Variants in C11orf24 observed in about 807,000 individuals in gnomAD.
C11orf24 encodes the protein uncharacterized protein C11orf24.
C11orf24 carries 5 observed loss-of-function variants against 7.3 expected under a neutral mutation model. The observed-to-expected ratio is 0.69, with a 90% CI of 0.36 to 1.45. The LOEUF is 1.45. Among genes scored for constraint, C11orf24 ranks in the 40% most tolerant of loss-of-function variants. The probability of loss-of-function intolerance (pLI) is 0.03; values close to 1 mark genes in which losing one functional copy is unlikely to be tolerated. For missense variants in C11orf24, 566 were observed against 590.5 expected (o/e 0.96, Z 0.43); for synonymous variants, 233 against 235.7 (o/e 0.99, Z 0.11).
rs1213954295 is a variant in C11orf24 at position 68,262,914 on chromosome 11, G to A, written c.81C>T (p.Asn27=). 1.2e-6 allele frequency: 2 copies of A among 1,612,472 alleles called. No individual in the cohort carries two copies. The highest frequency in any genetic ancestry group is 3.3e-5 in the Admixed American group (2 of 59,936). The change falls in exon 4 of 4, where the codon AAC becomes AAT. Residue 27 remains asparagine (N), a synonymous_variant. Coordinates refer to ENST00000304271, the MANE Select transcript of C11orf24 (RefSeq NM_022338.4). ...CCTTCCACATTTTGTTAGGGACAAA[G>A]TTGCCTTAAAGTCAGAAAAAGGAGA... is the stretch of plus-strand genomic sequence containing the variant. ...ESHAASNDPR[N]FVPNKMWKGL... is the part of the protein sequence containing the mutation.
rs199751345 is a variant in C11orf24 at position 68,262,572 on chromosome 11, A to G, written c.423T>C (p.Thr141=). ...CAGTCGTGGGAGCAATGGAGGCCAC[A>G]GTTGTACTGGAGGCTGCAGTCGTGG... ...SAPTTAASST[T]VASIAPTTAA... is the part of the protein sequence containing the mutation. Residue 141 remains threonine (T), a synonymous_variant, in exon 4 of 4, where the codon ACT becomes ACC. Transcript: ENST00000304271. The G allele has an allele frequency of 1.4e-4, 219 of 1,608,500 alleles. No individual in the cohort carries two copies. In the East Asian group the frequency reaches 3.7e-3, roughly 27 times the overall value.
At chr11:68,265,500 A>C (rs1181742364) in intron 2 of C11orf24, among the ~76,000 whole-genome samples, 1 of 152,152 alleles carries the variant, frequency 6.6e-6, no homozygotes, top group Non-Finnish European at 1.5e-5. Flanking sequence ...TGGACGCCTT[A>C]ACACATTTTT....
chr11:68,268,704 A>T (rs1051173915), intron 1 of C11orf24, among the ~76,000 whole-genome samples: 8 of 152,204 alleles, frequency 5.3e-5, no homozygotes, highest in African/African-American at 1.9e-4. Flanking sequence ...AAAAAACAAA[A>T]CAAAAAACAA....
intron 2 of C11orf24, among the ~76,000 whole-genome samples, chr11:68,266,136 C>G (rs1012097824): frequency 6.6e-6 from 1 of 152,226 alleles, no homozygotes; most frequent in African/African-American, 2.4e-5. Context: ...CGTTCCAACT[C>G]CAGCTCCCAT....
Position 68,261,806 on chromosome 11 carries a change from C to A in C11orf24, c.1189G>T (p.Val397Leu). ...ACCACCAGAAGGAGAGTTTTGTCTACCACGGCCTGGGTGAGGGGCTCAGTG... is the reference window on the plus strand; with the variant it reads ...ACCACCAGAAGGAGAGTTTTGTCTAACACGGCCTGGGTGAGGGGCTCAGTG... ...VTTEPLTQAVVDKTLLLVVLL... is the reference protein window; with the variant it reads ...VTTEPLTQAVLDKTLLLVVLL... Residue 397 changes from valine (V) to leucine (L), a missense_variant, in exon 4 of 4, where the codon GTA (valine) becomes TTA (leucine). Physicochemically the swap from Val to Leu is conservative, Grantham distance 32. Transcript: ENST00000304271. 2 of 1,614,224 alleles carry A rather than the reference C, an allele frequency of 1.2e-6. No homozygotes were observed. Among genetic ancestry groups the A allele is most frequent in the Non-Finnish European group, 1.7e-6 (2 of 1,180,048 alleles).
At chr11:68,270,057 C>T (rs2098567115) in intron 1 of C11orf24, among the ~76,000 whole-genome samples, 1 of 152,000 alleles carries the variant, frequency 6.6e-6, no homozygotes, top group Non-Finnish European at 1.5e-5. Context: ...ACCAGTTATT[C>T]TCATTATTAT....
At chr11:68,269,157 T>C (rs907060151) in intron 1 of C11orf24, among the ~76,000 whole-genome samples, 1 of 152,074 alleles carries the variant, frequency 6.6e-6, no homozygotes, top group Non-Finnish European at 1.5e-5. Flanking sequence ...AAAACATTTC[T>C]GAAAGGCTCC....
chr11:68,262,576 G>A lies in C11orf24; in HGVS notation c.419C>T (p.Thr140Ile), dbSNP rs1304024085. The A allele has an allele frequency of 1.2e-6, 2 of 1,608,652 alleles. No individual in the cohort carries two copies. The highest frequency in any genetic ancestry group is 3.3e-5 in the Admixed American group (2 of 59,814). Residue 140 changes from threonine to isoleucine, a missense_variant, in exon 4 of 4, where the codon ACA becomes ATA. Physicochemically the swap from Thr to Ile is moderately conservative, Grantham distance 89 (BLOSUM62 -1). Transcript: ENST00000304271. ...CGTGGGAGCAATGGAGGCCACAGTT[G>A]TACTGGAGGCTGCAGTCGTGGGAGC... is the stretch of plus-strand genomic sequence containing the variant. ...SSAPTTAASS[T>I]TVASIAPTTA...
At chr11:68,263,160 G>A (rs1225498354) in intron 3 of C11orf24, 2 of 558,894 alleles carry the variant, frequency 3.6e-6, no homozygotes, top group Non-Finnish European at 6.4e-6. Context: ...TGAACCCCCT[G>A]CCCATTGAAG....
Position 68,261,776 on chromosome 11 carries a change from A to C in C11orf24, c.1219T>G (p.Leu407Val). The change falls in exon 4 of 4, where the codon TTA becomes GTA. Residue 407 changes from leucine to valine, a missense_variant. Physicochemically the swap from Leu to Val is conservative, Grantham distance 32. Coordinates refer to ENST00000304271, the MANE Select transcript of C11orf24 (RefSeq NM_022338.4). The stretch of plus-strand genomic sequence containing the variant: ...GTGATGAAAAGGGTCACCCCGAGTA[A>C]CAGCACCACCAGAAGGAGAGTTTTG... ...VDKTLLLVVL[L>V]LGVTLFITVL... The C allele has an allele frequency of 6.2e-7, 1 of 1,614,224 alleles. No homozygotes were observed. Among genetic ancestry groups the C allele is most frequent in the African/African-American group, 1.3e-5 (1 of 75,058 alleles).
chr11:68,271,538 TG>T (rs930830319), intron 1 of C11orf24: 1 of 152,380 alleles, frequency 6.6e-6, no homozygotes. Flanking sequence ...GCTCCCACAA[TG>T]GGACAAGCCG....
intron 3 of C11orf24, chr11:68,263,279 C>G (rs1012296871): frequency 2.0e-5 from 8 of 408,590 alleles, no homozygotes; most frequent in Admixed American, 8.3e-5. Flanking sequence ...CCCAGGTTTA[C>G]AAAGCAGATA....
At chr11:68,270,104 C>T (rs2098567154) in intron 1 of C11orf24, among the ~76,000 whole-genome samples, 1 of 151,968 alleles carries the variant, frequency 6.6e-6, no homozygotes, top group African/African-American at 2.4e-5. Flanking sequence ...GGGTCTCAGA[C>T]CATAATAGAT....
At chr11:68,270,139 G>A (rs948219238) in intron 1 of C11orf24, among the ~76,000 whole-genome samples, 2 of 152,198 alleles carry the variant, frequency 1.3e-5, no homozygotes, top group Non-Finnish European at 2.9e-5. Flanking sequence ...CCCAGGGGCA[G>A]GAGGGGAATG....
rs1447380762 is a variant in C11orf24, at chr11:68,262,171, G to A, written c.824C>T (p.Pro275Leu). ...CTCTGGGGTTGTGTTTGAGGGCATG[G>A]GTGTGGATTTATTTGTTGTGTTAAC... is the stretch of plus-strand genomic sequence containing the variant. ...PVVNTTNKSTPMPSNTTPEPA... is the reference protein window; with the variant it reads ...PVVNTTNKSTLMPSNTTPEPA... The change falls in exon 4 of 4, where the codon CCC becomes CTC. Residue 275 changes from proline (P) to leucine (L), a missense_variant. Pro to Leu is a moderately conservative substitution (Grantham distance 98, BLOSUM62 -3). Coordinates refer to ENST00000304271, the MANE Select transcript of C11orf24 (RefSeq NM_022338.4). 1 of 1,613,868 alleles carries A rather than the reference G, an allele frequency of 6.2e-7. No homozygotes were observed. The highest frequency in any genetic ancestry group is 8.5e-7 in the Non-Finnish European group (1 of 1,179,924).
intron 2 of C11orf24, among the ~76,000 whole-genome samples, chr11:68,264,588 A>G (rs1256003245): frequency 7.8e-6 from 1 of 127,992 alleles, no homozygotes; most frequent in Non-Finnish European, 1.7e-5. Context: ...TCACCTGTCC[A>G]TCCATAAGTC....
chr11:68,262,363 G>C lies in C11orf24; in HGVS notation c.632C>G (p.Ala211Gly), dbSNP rs567702264. The change falls in exon 4 of 4, where the codon GCC (alanine) becomes GGC (glycine). Residue 211 changes from alanine to glycine, a missense_variant. Transcript: ENST00000304271. ...LPRTATLATL[A>G]TRAQTVATTA... is the part of the protein sequence containing the mutation. Reference sequence around the variant, plus strand: ...GGTCGCTACAGTCTGAGCACGTGTGGCCAATGTGGCCAGGGTTGCTGTTCT... The same window carrying C: ...GGTCGCTACAGTCTGAGCACGTGTGCCCAATGTGGCCAGGGTTGCTGTTCT... The C allele has an allele frequency of 7.4e-6, 12 of 1,614,150 alleles. No individual in the cohort carries two copies. Among genetic ancestry groups the C allele is most frequent in the African/African-American group, 2.7e-5 (2 of 75,028 alleles).
At chr11:68,270,667 T>A (rs2098567484) in intron 1 of C11orf24, among the ~76,000 whole-genome samples, 1 of 152,008 alleles carries the variant, frequency 6.6e-6, no homozygotes, top group African/African-American at 2.4e-5. Flanking sequence ...TCCTGAAGCT[T>A]GGTAAAGGAC....
intron 2 of C11orf24, among the ~76,000 whole-genome samples, chr11:68,264,475 C>T (rs1365852316): frequency 6.7e-6 from 1 of 149,574 alleles, no homozygotes; most frequent in Non-Finnish European, 1.5e-5. Context: ...TCCATCCATC[C>T]ATCCATCCAC....
Sources: allele counts gnomAD v4.1 joint callset (sites outside exome capture counted in the v4.1 genomes callset), GRCh38; gene constraint gnomAD v4.1.1; transcripts MANE v1.5; gene names NCBI Gene and HGNC (gene_info 2026-07-23, HGNC 2026-07-21).